MRFAP1: variants seen among roughly 807,000 people sequenced by gnomAD.
MRFAP1 encodes Morf4 family associated protein 1.
A neutral mutation model predicts 9.3 loss-of-function variants in MRFAP1; 1 was observed. The observed-to-expected ratio is 0.11, with a 90% confidence interval of 0.04 to 0.51. MRFAP1 has a LOEUF of 0.51. Among genes scored for constraint, MRFAP1 ranks in the 20% least tolerant of loss-of-function variants. The pLI is 0.94. For missense variants in MRFAP1, 180 were observed against 178.6 expected, an observed-to-expected ratio of 1.01 and a Z score of -0.04; for synonymous variants, 101 against 80.3, an observed-to-expected ratio of 1.26 and a Z score of -1.38.
chr4:6,640,714 T>G lies in MRFAP1; in HGVS notation c.-149T>G. On this transcript the variant is annotated 5_prime_UTR_variant, in exon 1 of 2. Coordinates refer to ENST00000382581, the MANE Select transcript of MRFAP1 (RefSeq NM_033296.3). ...TGTTCGCCGTTACTCTGCGCGTAAG[T>G]CGCTTGTCCGTGGCTTCTCTGAGAA... 2.9e-6 allele frequency: 3 copies of G among 1,038,288 alleles called. No individual in the cohort carries two copies. Among genetic ancestry groups the G allele is most frequent in the South Asian group, 1.6e-5 (1 of 62,246 alleles). 64.3% of individuals were successfully genotyped at this position (1,038,288 alleles called of 1,614,324 possible).
chr4:6,640,925 G>A lies in MRFAP1; in HGVS notation c.63G>A (p.Glu21=). ...AGGAAGTGGAGGTGCTGGAGCCCGA[G>A]GAGGATTTCGAGCAGTTTCTGCTCC... is the stretch of plus-strand genomic sequence containing the variant. ...EPEEVEVLEP[E]EDFEQFLLPV... The change falls in exon 1 of 2, where the codon GAG becomes GAA. Residue 21 remains glutamate, a synonymous_variant. Coordinates refer to ENST00000382581, the MANE Select transcript of MRFAP1 (RefSeq NM_033296.3). The A allele has an allele frequency of 3.7e-6, 6 of 1,613,866 alleles. No individual in the cohort carries two copies. The highest frequency in any genetic ancestry group is 5.1e-6 in the Non-Finnish European group (6 of 1,179,724).
rs1324067697 is a variant in MRFAP1 at position 6,641,021 on chromosome 4, C to G, written c.159C>G (p.Asn53Lys). 6.2e-7 allele frequency: 1 copy of G among 1,614,244 alleles called. No homozygotes were observed. The highest frequency in any genetic ancestry group is 8.5e-7 in the Non-Finnish European group (1 of 1,180,024). ...TREHGRAYLRNRSKLWEMDNM... is the reference protein window; with the variant it reads ...TREHGRAYLRKRSKLWEMDNM... ...AGCACGGGCGGGCGTACCTGCGGAA[C>G]CGGAGCAAGCTGTGGGAGATGGACA... Residue 53 changes from asparagine (N) to lysine (K), a missense_variant, in exon 1 of 2, where the codon AAC becomes AAG. Asn to Lys is a moderately conservative substitution (Grantham distance 94, BLOSUM62 0). Transcript: ENST00000382581.
In MRFAP1 at chr4:6,641,977, C is replaced by T. The variant is rs1007229070; in HGVS notation, c.*260C>T. ...CAGGAATTAGGGCCTAGATTGTAAGCTCTTGCAGCAGTCACATTTGTTCCC... is the reference window on the plus strand; with the variant it reads ...CAGGAATTAGGGCCTAGATTGTAAGTTCTTGCAGCAGTCACATTTGTTCCC... On this transcript the variant is annotated 3_prime_UTR_variant, in exon 2 of 2. Coordinates refer to ENST00000382581, the MANE Select transcript of MRFAP1 (RefSeq NM_033296.3). 1 of 152,648 alleles carries T rather than the reference C, an allele frequency of 6.6e-6. No homozygotes were observed. The highest frequency in any genetic ancestry group is 6.5e-5 in the Admixed American group (1 of 15,276). 9.5% of individuals were successfully genotyped at this position (152,648 alleles called of 1,614,324 possible).
In MRFAP1 at chr4:6,640,820, T is replaced by C; in HGVS notation, c.-43T>C. 6.4e-7 allele frequency: 1 copy of C among 1,573,274 alleles called. No homozygotes were observed. ...GCATAGCGAGTGTCGGTTTTCTCTC[T>C]CCAACAGACATCGCTATTGCGGTTC... On this transcript the variant is annotated 5_prime_UTR_variant, in exon 1 of 2. Coordinates refer to ENST00000382581, the MANE Select transcript of MRFAP1 (RefSeq NM_033296.3).
rs1178240560 is a variant in MRFAP1 at position 6,640,977 on chromosome 4, A to G, written c.115A>G (p.Ile39Val). 2 of 1,614,172 alleles carry G rather than the reference A, an allele frequency of 1.2e-6. No homozygotes were observed. Among genetic ancestry groups the G allele is most frequent in the Admixed American group, 3.3e-5 (2 of 60,034 alleles). ...LPVINEMRED[I>V]ASLTREHGRA... ...GGTCATCAACGAGATGCGCGAGGAC[A>G]TCGCGTCGCTGACGCGCGAGCACGG... Residue 39 changes from isoleucine to valine, a missense_variant, in exon 1 of 2, where the codon ATC (isoleucine) becomes GTC (valine). Physicochemically the swap from Ile to Val is conservative, Grantham distance 29. Coordinates refer to ENST00000382581, the MANE Select transcript of MRFAP1 (RefSeq NM_033296.3).
intron 1 of MRFAP1, chr4:6,641,470 G>A (rs947188502): frequency 2.3e-5 from 13 of 575,242 alleles, no homozygotes; most frequent in Admixed American, 1.1e-4. Context: ...GGCGTGATGC[G>A]TGTTCAGTGG....
In MRFAP1 at chr4:6,642,320, G is replaced by A. The variant is rs1712870705; in HGVS notation, c.*603G>A. On this transcript the variant is annotated 3_prime_UTR_variant, in exon 2 of 2. Transcript: ENST00000382581. ...ATTTCTGTGTGAGACCAAAGGAGGAGAGATGTGTTTTGTTCAAAATTTAAA... is the reference window on the plus strand; with the variant it reads ...ATTTCTGTGTGAGACCAAAGGAGGAAAGATGTGTTTTGTTCAAAATTTAAA... 6.5e-6 allele frequency: 1 copy of A among 152,682 alleles called. No individual in the cohort carries two copies. Among genetic ancestry groups the A allele is most frequent in the African/African-American group, 2.4e-5 (1 of 41,468 alleles). The allele number at this position is 152,682 out of a possible 1,614,324, so 9.5% of individuals were successfully genotyped here. A position where few individuals can be genotyped will look rare whatever the true frequency, so the allele number is the denominator to read the frequency against.
In MRFAP1 at chr4:6,641,050, T is replaced by C. The variant is rs752649249; in HGVS notation, c.188T>C (p.Met63Thr). Reference protein sequence around the residue: ...NRSKLWEMDNMLIQIKTQVEA... With the variant: ...NRSKLWEMDNTLIQIKTQVEA... ...AGCAAGCTGTGGGAGATGGACAATA[T>C]GCTCATCCAGATCAAAACGCAGGTG... Residue 63 changes from methionine (M) to threonine (T), a missense_variant, in exon 1 of 2, where the codon ATG becomes ACG. Transcript: ENST00000382581. 6.2e-7 allele frequency: 1 copy of C among 1,614,150 alleles called. No homozygotes were observed. The highest frequency in any genetic ancestry group is 8.5e-7 in the Non-Finnish European group (1 of 1,179,976).
chr4:6,642,427 C>T lies in MRFAP1; in HGVS notation c.*710C>T, dbSNP rs1712875212. 6.6e-6 allele frequency: 1 copy of T among 152,602 alleles called. No individual in the cohort carries two copies. Among genetic ancestry groups the T allele is most frequent in the African/African-American group, 2.4e-5 (1 of 41,430 alleles). 9.5% of individuals were successfully genotyped at this position (152,602 alleles called of 1,614,324 possible). On this transcript the variant is annotated 3_prime_UTR_variant, in exon 2 of 2. Transcript: ENST00000382581. ...AACTCAGCTTTATTTGACATGGAAC[C>T]TAAAATAGAAGATAAGATCTTGATA...
Position 6,641,020 on chromosome 4 carries a change from A to C in MRFAP1, c.158A>C (p.Asn53Thr), listed in dbSNP as rs761381560. Residue 53 changes from asparagine to threonine, a missense_variant, in exon 1 of 2, where the codon AAC (asparagine) becomes ACC (threonine). Coordinates refer to ENST00000382581, the MANE Select transcript of MRFAP1 (RefSeq NM_033296.3). ...GAGCACGGGCGGGCGTACCTGCGGA[A>C]CCGGAGCAAGCTGTGGGAGATGGAC... ...TREHGRAYLR[N>T]RSKLWEMDNM... 1.5e-5 allele frequency: 24 copies of C among 1,614,118 alleles called. No individual in the cohort carries two copies. Among genetic ancestry groups the C allele is most frequent in the South Asian group, 4.4e-5 (4 of 91,086 alleles).
rs1712811854 is a variant in MRFAP1 at position 6,641,227 on chromosome 4, A to T, written c.365A>T (p.Glu122Val). ...EMLVELVRRI[E>V]KSESS ...CTGGTGGAGCTGGTCCGGCGGATAG[A>T]GAAGAGCGAGTCGTCGTGAGCGCGG... Residue 122 changes from glutamate (E) to valine (V), a missense_variant, in exon 1 of 2, where the codon GAG (glutamate) becomes GTG (valine). Transcript: ENST00000382581. 1 of 1,584,438 alleles carries T rather than the reference A, an allele frequency of 6.3e-7. No individual in the cohort carries two copies. The highest frequency in any genetic ancestry group is 1.3e-5 in the African/African-American group (1 of 74,074).
In MRFAP1 at chr4:6,641,269, C is replaced by A; in HGVS notation, c.*12+11C>A. On this transcript the variant is annotated intron_variant, in intron 1 of 1. Transcript: ENST00000382581. ...TGAGCGCGGTCGGCGGTAAGTCGGG[C>A]ACCCGCGCCAGGCCGAGGAGCGGCC... 1 of 1,544,176 alleles carries A rather than the reference C, an allele frequency of 6.5e-7. No individual in the cohort carries two copies. Among genetic ancestry groups the A allele is most frequent in the South Asian group, 1.2e-5 (1 of 81,202 alleles).
Position 6,640,737 on chromosome 4 carries a change from G to A in MRFAP1, c.-126G>A, listed in dbSNP as rs1235832464. 9 of 1,292,134 alleles carry A rather than the reference G, an allele frequency of 7.0e-6. No homozygotes were observed. The highest frequency in any genetic ancestry group is 9.6e-6 in the Non-Finnish European group (9 of 939,300). 80.0% of individuals were successfully genotyped at this position (1,292,134 alleles called of 1,614,324 possible). A position where few individuals can be genotyped will look rare whatever the true frequency, so the allele number is the denominator to read the frequency against. ...AGTCGCTTGTCCGTGGCTTCTCTGA[G>A]AAGAAAAGTTGAAAAAGGGTAAAAG... On this transcript the variant is annotated 5_prime_UTR_variant, in exon 1 of 2. Transcript: ENST00000382581.
chr4:6,641,496 C>T, intron 1 of MRFAP1: 1 of 465,610 alleles, frequency 2.1e-6, no homozygotes, highest in Non-Finnish European at 3.7e-6. Context: ...TCATAAATCT[C>T]AGAGTCGCCA....
Position 6,641,207 on chromosome 4 carries a change from G to A in MRFAP1, c.345G>A (p.Val115=), listed in dbSNP as rs3207078. The A allele has an allele frequency of 1.9e-6, 3 of 1,605,928 alleles. No homozygotes were observed. Among genetic ancestry groups the A allele is most frequent in the Non-Finnish European group, 2.6e-6 (3 of 1,174,230 alleles). The part of the protein sequence containing the change: ...KEIAKMAEML[V]ELVRRIEKSE... ...TTGCGAAGATGGCAGAGATGCTGGT[G>A]GAGCTGGTCCGGCGGATAGAGAAGA... The change falls in exon 1 of 2, where the codon GTG becomes GTA. Residue 115 remains valine, a synonymous_variant. Coordinates refer to ENST00000382581, the MANE Select transcript of MRFAP1 (RefSeq NM_033296.3).
chr4:6,641,331 G>C, intron 1 of MRFAP1, 73 bp downstream of exon 1: 4 of 1,500,976 alleles, frequency 2.7e-6, no homozygotes, highest in Non-Finnish European at 3.6e-6. Context: ...TGATTTCATC[G>C]AGATGCACCG....
At chr4:6,641,518 A>G (rs1712830309) in intron 1 of MRFAP1, 2 of 438,806 alleles carry the variant, frequency 4.6e-6, no homozygotes, top group Non-Finnish European at 4.0e-6. Flanking sequence ...GGAAACAGAA[A>G]CGGACAAGGT....
At position 6,641,144 on chromosome 4, in the gene MRFAP1, C is replaced by A. The variant is rs889293517; in HGVS notation, c.282C>A (p.Ala94=). 6.2e-7 allele frequency: 1 copy of A among 1,614,018 alleles called. No homozygotes were observed. The highest frequency in any genetic ancestry group is 1.3e-5 in the African/African-American group (1 of 74,942). Residue 94 remains alanine (A), a synonymous_variant, in exon 1 of 2, where the codon GCC becomes GCA. Transcript: ENST00000382581. ...GCGACGCGGCCGAGGGCCGGGCGGC[C>A]AAGAGGTGCGAGAAGGCCGAGGAGA... The part of the protein sequence containing the change: ...NPGDAAEGRA[A]KRCEKAEEKA...
At chr4:6,641,520 G>A in intron 1 of MRFAP1, 1 of 440,250 alleles carries the variant, frequency 2.3e-6, no homozygotes, top group Non-Finnish European at 4.0e-6. Context: ...AAACAGAAAC[G>A]GACAAGGTCC....
Sources: gnomAD v4.1 joint callset for allele counts on GRCh38, gnomAD v4.1.1 for gene constraint, MANE v1.5 for transcripts, NCBI Gene and HGNC (gene_info 2026-07-23, HGNC 2026-07-21) for gene names.